Variants in DDX10 observed in about 807,000 individuals in gnomAD.
DDX10 encodes the protein probable ATP-dependent RNA helicase DDX10.
Under a neutral mutation model 104.3 loss-of-function variants are expected in DDX10, and 74 were observed. The ratio of observed to expected loss-of-function variants is 0.71; its 90% CI spans 0.59 to 0.86. The LOEUF is 0.86. Ranked by LOEUF, DDX10 falls within the 40% of genes least tolerant of loss-of-function variation. The probability of loss-of-function intolerance (pLI) is 0.00; values close to 1 mark genes in which losing one functional copy is unlikely to be tolerated. For missense variants in DDX10, 952 were observed against 1,040.0 expected (o/e 0.92, Z 1.16); for synonymous variants, 351 against 353.4 (o/e 0.99, Z 0.08).
intron 10 of DDX10, among the ~76,000 whole-genome samples, chr11:108,710,405 C>G (rs1028568587): frequency 3.7e-4 from 56 of 152,036 alleles, no homozygotes; most frequent in Non-Finnish European, 2.9e-5. Flanking sequence ...TATATCTTTA[C>G]TCTACAAGCT....
chr11:108,744,583 C>A (rs993634521), intron 13 of DDX10, among the ~76,000 whole-genome samples: 1 of 151,996 alleles, frequency 6.6e-6, no homozygotes, highest in East Asian at 1.9e-4. Context: ...CCTTAAATAC[C>A]CTCTGCCATG....
chr11:108,722,419 C>G (rs2094299395), intron 12 of DDX10, among the ~76,000 whole-genome samples: 2 of 152,120 alleles, frequency 1.3e-5, no homozygotes, highest in Admixed American at 6.5e-5. Flanking sequence ...TTTTTAATTT[C>G]TTTTTTTGGT....
intron 13 of DDX10, among the ~76,000 whole-genome samples, chr11:108,818,351 C>G (rs1363550619): frequency 6.6e-6 from 1 of 152,116 alleles, no homozygotes; most frequent in Non-Finnish European, 1.5e-5. Flanking sequence ...AATAGCTGAC[C>G]ATAGTAACTA....
chr11:108,810,229 A>T (rs1395155597), intron 13 of DDX10, among the ~76,000 whole-genome samples: 1 of 152,184 alleles, frequency 6.6e-6, no homozygotes, highest in Non-Finnish European at 1.5e-5. Context: ...CTAATCGATA[A>T]ACATCTGTTG....
intron 13 of DDX10, among the ~76,000 whole-genome samples, chr11:108,826,923 C>T (rs1862403233): frequency 6.6e-6 from 1 of 152,096 alleles, no homozygotes; most frequent in Non-Finnish European, 1.5e-5. Context: ...CTCAAACATT[C>T]TTAAATTAAT....
intron 1 of DDX10, among the ~76,000 whole-genome samples, chr11:108,671,390 C>G (rs544081960): frequency 9.2e-5 from 14 of 152,328 alleles, no homozygotes; most frequent in Middle Eastern, 3.4e-3. Flanking sequence ...TCTTGAACTC[C>G]TGACCCCAGG....
chr11:108,810,364 G>C (rs764007358), intron 13 of DDX10, among the ~76,000 whole-genome samples: 3 of 151,974 alleles, frequency 2.0e-5, no homozygotes, highest in Non-Finnish European at 4.4e-5. Context: ...TTTTTAATTA[G>C]GTGTTATTTG....
At chr11:108,905,485 A>T (rs1030674935) in intron 16 of DDX10, among the ~76,000 whole-genome samples, 6 of 152,160 alleles carry the variant, frequency 3.9e-5, no homozygotes, top group Non-Finnish European at 8.8e-5. Flanking sequence ...AGTACAATTC[A>T]CTGTTTGTGG....
At chr11:108,802,197 TA>T (rs1285397851) in intron 13 of DDX10, among the ~76,000 whole-genome samples, 1 of 152,130 alleles carries the variant, frequency 6.6e-6, no homozygotes, top group Non-Finnish European at 1.5e-5. Flanking sequence ...GATTTTTTTT[TA>T]TTTTGGAATA....
At chr11:108,852,053 A>G (rs1862800195) in intron 15 of DDX10, 100 bp from the exon 16 acceptor site, 9 of 893,574 alleles carry the variant, frequency 1.0e-5, no homozygotes, top group East Asian at 2.7e-5. Context: ...AATGAATGTC[A>G]TATATTAGTT....
At chr11:108,898,670 A>C (rs1026243623) in intron 16 of DDX10, among the ~76,000 whole-genome samples, 2 of 152,016 alleles carry the variant, frequency 1.3e-5, no homozygotes, top group African/African-American at 4.8e-5. Context: ...GAAAAAAAAA[A>C]AAAAAACAAG....
Position 108,677,243 on chromosome 11 carries a change from G to A in DDX10, c.537G>A (p.Lys179=). The change falls in exon 4 of 18, where the codon AAG becomes AAA. Residue 179 remains lysine (K), a splice_region_variant and synonymous_variant. Transcript: ENST00000322536. ...DFSAGLIIGG[K]DLKHEAERIN... ...CAGCTGGTCTCATCATTGGTGGAAA[G>A]GTTTGTCCTTTTGTCTATGTCCTTC... is the stretch of plus-strand genomic sequence containing the variant. 6.2e-7 allele frequency: 1 copy of A among 1,611,662 alleles called. No homozygotes were observed. Among genetic ancestry groups the A allele is most frequent in the East Asian group, 2.2e-5 (1 of 44,764 alleles).
At chr11:108,871,313 T>G (rs1297947143) in intron 16 of DDX10, among the ~76,000 whole-genome samples, 1 of 152,206 alleles carries the variant, frequency 6.6e-6, no homozygotes, top group Non-Finnish European at 1.5e-5. Context: ...GTATGATCAC[T>G]TTAATTATAA....
intron 11 of DDX10, 92 bp from the exon 12 acceptor site, chr11:108,719,704 TG>T: frequency 4.2e-6 from 3 of 712,420 alleles, no homozygotes; most frequent in Non-Finnish European, 7.1e-6. Context: ...TCAGTACTAT[TG>T]AATTTATCCC....
chr11:108,713,862 T>C (rs1244701162), intron 10 of DDX10, among the ~76,000 whole-genome samples: 3 of 152,162 alleles, frequency 2.0e-5, no homozygotes, highest in African/African-American at 7.2e-5. Context: ...TCAGTCTTTT[T>C]GTGAGCCTAT....
Position 108,838,504 on chromosome 11 carries a change from AAAAAGTAATG to A in DDX10, c.2027_2036del (p.Lys676ArgfsTer6). 1.2e-6 allele frequency: 2 copies of A among 1,613,242 alleles called. No individual in the cohort carries two copies. The highest frequency in any genetic ancestry group is 8.5e-7 in the Non-Finnish European group (1 of 1,179,592). ...AAAATGACCAAAGTTGCAGAAGCAAAAAAAGTAATGAAGAGAAATTTTAAAGTGAATAAGA... is the reference window on the plus strand; with the variant it reads ...AAAATGACCAAAGTTGCAGAAGCAAAAAGAGAAATTTTAAAGTGAATAAGA... On this transcript the variant is annotated frameshift_variant, in exon 14 of 18. Transcript: ENST00000322536. LOFTEE classifies it high-confidence loss of function.
chr11:108,715,283 G>A (rs1269567096), intron 10 of DDX10, among the ~76,000 whole-genome samples: 1 of 152,178 alleles, frequency 6.6e-6, no homozygotes, highest in Non-Finnish European at 1.5e-5. Context: ...GGAATCCAAG[G>A]CAGAAGGATT....
chr11:108,836,628 AG>A (rs1279191646), intron 13 of DDX10, among the ~76,000 whole-genome samples: 1 of 152,130 alleles, frequency 6.6e-6, no homozygotes, highest in East Asian at 1.9e-4. Context: ...CTGGGATTAC[AG>A]GGGTGCGCCA....
At chr11:108,692,134 G>T in intron 8 of DDX10, 96 bp downstream of exon 8, 1 of 1,145,366 alleles carries the variant, frequency 8.7e-7, no homozygotes, top group Non-Finnish European at 1.2e-6. Context: ...TCAAACACTT[G>T]GGTTTCTTTT....
Sources: allele counts gnomAD v4.1 joint callset (sites outside exome capture counted in the v4.1 genomes callset), GRCh38; gene constraint gnomAD v4.1.1; transcripts MANE v1.5; gene names NCBI Gene and HGNC (gene_info 2026-07-23, HGNC 2026-07-21).